TENM3: variants seen among roughly 807,000 people sequenced by gnomAD.
TENM3 encodes the protein teneurin-3.
In TENM3, 63 loss-of-function variants were observed where a neutral mutation model predicts 255.1. That is an observed-to-expected ratio of 0.25 (90% CI 0.20 to 0.30). The LOEUF (loss-of-function observed/expected upper bound fraction) is 0.30, where lower values mean the gene tolerates loss of function less well. Among genes scored for constraint, TENM3 ranks in the 10% least tolerant of loss-of-function variants. The pLI, the probability that TENM3 is intolerant of heterozygous loss-of-function variation, is 1.00. For missense variants in TENM3, 2,929 were observed against 3,461.1 expected, an observed-to-expected ratio of 0.85 and a Z score of 3.86; for synonymous variants, 1,306 against 1,322.3, an observed-to-expected ratio of 0.99 and a Z score of 0.27.
At chr4:182,454,866 A>G (rs74567162) in intron 3 of TENM3, among the ~76,000 whole-genome samples, 3,423 of 152,326 alleles carry the variant, frequency 0.022, 67 homozygotes, top group Non-Finnish European at 0.033. Flanking sequence ...CAGTTAAAGC[A>G]ATTAAGTGCT....
At chr4:181,723,140 A>G in the TENM3 span, among the ~76,000 whole-genome samples, 1 of 151,954 alleles carries the variant, frequency 6.6e-6, no homozygotes, top group African/African-American at 2.4e-5. Context: ...TAAATAAAGT[A>G]CTGGTCTAGA....
intron 5 of TENM3, 66 bp downstream of exon 5, chr4:182,628,955 A>G (rs2152470143): frequency 3.2e-6 from 3 of 931,150 alleles, no homozygotes; most frequent in Non-Finnish European, 4.9e-6. Flanking sequence ...TATTACTTGT[A>G]TTTATTCATT....
At chr4:182,297,005 T>C (rs1435441110) in intron 1 of TENM3, among the ~76,000 whole-genome samples, 1 of 152,230 alleles carries the variant, frequency 6.6e-6, no homozygotes, top group Admixed American at 6.5e-5. Flanking sequence ...ATAGAGATTA[T>C]TCGCATCTTA....
chr4:181,883,926 G>A, the TENM3 span, among the ~76,000 whole-genome samples: 3 of 152,170 alleles, frequency 2.0e-5, no homozygotes, highest in Admixed American at 2.0e-4. Flanking sequence ...CCGGAAGAAA[G>A]AAATGGAAGC....
rs187611927 is a variant in TENM3 at position 182,202,066 on chromosome 4, A to G, written c.-76+57312A>G. Among the ~76,000 whole-genome samples the G allele has an allele frequency of 8.3e-4, 127 of 152,300 alleles. 1 individual carries two copies. The highest frequency in any genetic ancestry group is 1.9e-3 in the Admixed American group (29 of 15,306). On this transcript the variant is annotated intron_variant, in intron 1 of 2. Coordinates refer to the TENM3 transcript ENST00000512480. The stretch of plus-strand genomic sequence containing the variant: ...ATGTGTGAAGCACATTCATTCATTC[A>G]ACAAAGGAAACAAGCGTCTGGGCCT...
rs1356568907 is a variant in TENM3, at chr4:182,354,962, C to A, written c.511+8033C>A. Among the ~76,000 whole-genome samples the A allele has an allele frequency of 3.9e-5, 6 of 152,064 alleles. No homozygotes were observed. In the East Asian group the frequency reaches 1.2e-3, roughly 29 times the overall value. On this transcript the variant is annotated intron_variant, in intron 3 of 27. Coordinates refer to ENST00000511685, the MANE Select transcript of TENM3 (RefSeq NM_001080477.4). ...GATATGGTACCAGGTGCTGGAAAAA[C>A]AAAAATGAGTAAGATGTATTCCCTG... is the stretch of plus-strand genomic sequence containing the variant.
chr4:182,250,774 A>G (rs1757961007), intron 1 of TENM3, among the ~76,000 whole-genome samples: 1 of 152,216 alleles, frequency 6.6e-6, no homozygotes, highest in Non-Finnish European at 1.5e-5. Flanking sequence ...GCATTTTTAT[A>G]TTTCTGTTGA....
the TENM3 span, among the ~76,000 whole-genome samples, chr4:182,019,274 C>A: frequency 6.6e-6 from 1 of 152,134 alleles, no homozygotes; most frequent in African/African-American, 2.4e-5. Flanking sequence ...AACATCAAGC[C>A]CCCTCTGAGT....
the TENM3 span, among the ~76,000 whole-genome samples, chr4:182,058,519 T>C: frequency 6.6e-6 from 1 of 152,266 alleles, no homozygotes; most frequent in South Asian, 2.1e-4. Context: ...GCCCCAGAGA[T>C]AGAAGAAAGC....
the TENM3 span, among the ~76,000 whole-genome samples, chr4:181,836,471 T>A: frequency 1.3e-5 from 2 of 152,230 alleles, no homozygotes; most frequent in African/African-American, 2.4e-5. Context: ...TTGCATGTTG[T>A]GTATGAGGGA....
intron 5 of TENM3, among the ~76,000 whole-genome samples, chr4:182,630,775 T>A (rs114167597): frequency 0.016 from 2,402 of 150,392 alleles, 31 homozygotes; most frequent in African/African-American, 0.034. Flanking sequence ...TATTATTATT[T>A]TTTTTTTACT....
chr4:181,720,613 T>A, the TENM3 span, among the ~76,000 whole-genome samples: 14 of 151,884 alleles, frequency 9.2e-5, no homozygotes, highest in South Asian at 2.9e-3. Context: ...AACTATAAAG[T>A]CCTTTGACTG....
At chr4:182,751,634 A>G (rs565263001) in intron 19 of TENM3, among the ~76,000 whole-genome samples, 166 bp from the exon 20 acceptor site, 2 of 152,336 alleles carry the variant, frequency 1.3e-5, no homozygotes, top group South Asian at 2.1e-4. Flanking sequence ...CTGTGAGCAC[A>G]TTCTTTTGAG....
chr4:182,718,242 TGATGACACCAGAAA>T (rs751749090), intron 13 of TENM3, among the ~76,000 whole-genome samples: 2,963 of 152,300 alleles, frequency 0.019, 80 homozygotes, highest in South Asian at 0.13. Context: ...GGTGTTCAAA[TGATGACACCAGAAA>T]CTTAGGTATA....
At chr4:182,235,683 A>G (rs572214250) in intron 1 of TENM3, among the ~76,000 whole-genome samples, 1 of 152,254 alleles carries the variant, frequency 6.6e-6, no homozygotes, top group South Asian at 2.1e-4. Context: ...CATCTCTCAC[A>G]AGCTGGAACT....
At chr4:182,216,254 C>T (rs1433316469) in intron 1 of TENM3, among the ~76,000 whole-genome samples, 1 of 152,196 alleles carries the variant, frequency 6.6e-6, no homozygotes, top group Non-Finnish European at 1.5e-5. Context: ...GTCACATCTC[C>T]TGGTGGTTTT....
intron 1 of TENM3, among the ~76,000 whole-genome samples, chr4:182,163,104 G>A (rs1027344733): frequency 1.3e-5 from 2 of 152,086 alleles, no homozygotes; most frequent in Non-Finnish European, 2.9e-5. Flanking sequence ...CAGTCATTAC[G>A]TCCTGCTCAT....
the TENM3 span, among the ~76,000 whole-genome samples, chr4:181,761,637 C>A: frequency 1.0e-3 from 155 of 151,990 alleles, no homozygotes; most frequent in African/African-American, 3.6e-3. Context: ...TATTATGTAC[C>A]ATATTATAGT....
intron 2 of TENM3, among the ~76,000 whole-genome samples, chr4:182,335,081 G>A (rs1764014318): frequency 6.6e-6 from 1 of 151,966 alleles, no homozygotes; most frequent in African/African-American, 2.4e-5. Flanking sequence ...TCCTGTTGGA[G>A]TAAGAATGAA....
Sources: gnomAD v4.1 joint callset for allele counts (sites outside exome capture counted in the v4.1 genomes callset) on GRCh38, gnomAD v4.1.1 for gene constraint, MANE v1.5 for transcripts, NCBI Gene and HGNC (gene_info 2026-07-23, HGNC 2026-07-21) for gene names.